KCNJ6: variants seen among roughly 807,000 people sequenced by gnomAD.
The protein encoded by KCNJ6 is potassium inwardly rectifying channel subfamily J member 6, also known as G protein-activated inward rectifier potassium channel 2.
A neutral mutation model predicts 34.2 loss-of-function variants in KCNJ6; 9 were observed. The observed-to-expected ratio is 0.26, with a 90% CI of 0.16 to 0.46. The LOEUF is 0.46. Ranked by LOEUF, KCNJ6 falls within the 20% of genes least tolerant of loss-of-function variation. KCNJ6 has a pLI of 1.00. For missense variants in KCNJ6, 236 were observed against 531.3 expected, an observed-to-expected ratio of 0.44 and a Z score of 5.46; for synonymous variants, 196 against 207.1, an observed-to-expected ratio of 0.95 and a Z score of 0.46.
At chr21:37,738,894 T>C (rs950251944) in intron 2 of KCNJ6, among the ~76,000 whole-genome samples, 1 of 152,242 alleles carries the variant, frequency 6.6e-6, no homozygotes, top group Non-Finnish European at 1.5e-5. Context: ...ACATCCTCTT[T>C]AATCTGCAAA....
intron 2 of KCNJ6, among the ~76,000 whole-genome samples, chr21:37,743,233 T>C (rs2054949888): frequency 6.6e-6 from 1 of 152,184 alleles, no homozygotes; most frequent in South Asian, 2.1e-4. Flanking sequence ...TGATGGTACC[T>C]GAGACATAGT....
chr21:37,696,910 C>CG (rs1241002141), intron 3 of KCNJ6, among the ~76,000 whole-genome samples: 3 of 152,130 alleles, frequency 2.0e-5, no homozygotes, highest in Admixed American at 2.0e-4. Flanking sequence ...GCCCCTAGCT[C>CG]CTGAGGTAGC....
At chr21:37,685,744 T>C (rs991424763) in intron 3 of KCNJ6, among the ~76,000 whole-genome samples, 3 of 145,148 alleles carry the variant, frequency 2.1e-5, no homozygotes, top group Admixed American at 1.4e-4. Context: ...ACTGCACTGT[T>C]ATTTGTAACA....
At chr21:37,692,602 G>GA (rs1186782542) in intron 3 of KCNJ6, among the ~76,000 whole-genome samples, 1 of 152,168 alleles carries the variant, frequency 6.6e-6, no homozygotes, top group African/African-American at 2.4e-5. Context: ...CTTCTGCCAG[G>GA]ATGTTGGGGC....
At chr21:37,739,107 AT>A (rs2054927024) in intron 2 of KCNJ6, among the ~76,000 whole-genome samples, 1 of 152,180 alleles carries the variant, frequency 6.6e-6, no homozygotes, top group Non-Finnish European at 1.5e-5. Flanking sequence ...CACACAGGGG[AT>A]TTTTGAAGAG....
At chr21:37,748,800 G>C (rs1258887491) in intron 2 of KCNJ6, among the ~76,000 whole-genome samples, 1 of 152,128 alleles carries the variant, frequency 6.6e-6, no homozygotes, top group Non-Finnish European at 1.5e-5. Context: ...AGTGGGGTCT[G>C]AGTTGCCCTA....
intron 1 of KCNJ6, among the ~76,000 whole-genome samples, chr21:37,905,931 T>C (rs1372893996): frequency 6.6e-6 from 1 of 152,244 alleles, no homozygotes; most frequent in Non-Finnish European, 1.5e-5. Context: ...GTAAATGTTA[T>C]ATAGTTATAA....
At chr21:37,802,702 G>A (rs543258985) in intron 2 of KCNJ6, among the ~76,000 whole-genome samples, 6 of 152,146 alleles carry the variant, frequency 3.9e-5, no homozygotes, top group Non-Finnish European at 8.8e-5. Context: ...TGTTGCTGCT[G>A]TAACAAATTG....
intron 1 of KCNJ6, among the ~76,000 whole-genome samples, chr21:37,848,336 T>G (rs558575336): frequency 6.6e-6 from 1 of 152,354 alleles, no homozygotes; most frequent in East Asian, 1.9e-4. Context: ...TTTTCACCAC[T>G]GATATACTCA....
intron 3 of KCNJ6, among the ~76,000 whole-genome samples, chr21:37,637,959 A>C (rs1018919247): frequency 1.1e-4 from 16 of 152,204 alleles, no homozygotes; most frequent in African/African-American, 3.9e-4. Context: ...ACTGTAAGGA[A>C]ATACATTTCT....
chr21:37,655,532 G>T (rs1225035621), intron 3 of KCNJ6, among the ~76,000 whole-genome samples: 6 of 152,210 alleles, frequency 3.9e-5, no homozygotes, highest in Non-Finnish European at 8.8e-5. Flanking sequence ...ACTTGTGTGT[G>T]TGTGTATGTA....
chr21:37,714,092 G>A lies in KCNJ6; in HGVS notation c.946+119C>T, dbSNP rs534677663. The A allele has an allele frequency of 2.7e-6, 2 of 744,548 alleles. No individual in the cohort carries two copies. The highest frequency in any genetic ancestry group is 1.7e-5 in the African/African-American group (1 of 57,226). 46.1% of individuals were successfully genotyped at this position (744,548 alleles called of 1,614,324 possible). ...AGGCATACTATGTCATGAAGCAAGG[G>A]GATGTTGTCAATATTGAGTGAGGTT... On this transcript the variant is annotated intron_variant, in intron 3 of 3. Transcript: ENST00000609713. This position sits in a 1 kb window ranked among gnomAD's most constrained non-coding sequence, Gnocchi z 5.9.
chr21:37,727,190 C>T (rs1476907977), intron 2 of KCNJ6, among the ~76,000 whole-genome samples: 3 of 152,166 alleles, frequency 2.0e-5, no homozygotes, highest in East Asian at 3.9e-4. Context: ...GCTGACACCT[C>T]GACTTTGGAC....
intron 2 of KCNJ6, among the ~76,000 whole-genome samples, chr21:37,758,415 T>C (rs536089990): frequency 2.2e-4 from 33 of 152,308 alleles, no homozygotes; most frequent in Non-Finnish European, 3.4e-4. Flanking sequence ...GATGGGAGTA[T>C]CCACAGTGGT....
chr21:37,651,830 G>A (rs925432945), intron 3 of KCNJ6, among the ~76,000 whole-genome samples: 2 of 152,208 alleles, frequency 1.3e-5, no homozygotes, highest in Non-Finnish European at 2.9e-5. Flanking sequence ...GAACTTTAGG[G>A]ACAAGTCTAA....
At chr21:37,815,926 C>T (rs1038705618) in intron 2 of KCNJ6, among the ~76,000 whole-genome samples, 3 of 152,172 alleles carry the variant, frequency 2.0e-5, no homozygotes, top group Non-Finnish European at 4.4e-5. Context: ...CTGCAACAAG[C>T]GCTAAGAGTG....
intron 3 of KCNJ6, among the ~76,000 whole-genome samples, chr21:37,632,004 C>T (rs2054335853): frequency 6.6e-6 from 1 of 152,090 alleles, no homozygotes; most frequent in Admixed American, 6.5e-5. Flanking sequence ...CTAAGAGTGG[C>T]CCCGATTGTG....
chr21:37,852,018 A>C (rs2055540278), intron 1 of KCNJ6, among the ~76,000 whole-genome samples: 1 of 152,164 alleles, frequency 6.6e-6, no homozygotes, highest in African/African-American at 2.4e-5. Context: ...CCAAAGACCT[A>C]GGAGAGAGGT....
At chr21:37,779,816 A>G (rs1435292951) in intron 2 of KCNJ6, among the ~76,000 whole-genome samples, 1 of 152,240 alleles carries the variant, frequency 6.6e-6, no homozygotes, top group African/African-American at 2.4e-5. Context: ...GTGAGGTTGT[A>G]TGTACTGAAA....
Sources: allele counts gnomAD v4.1 joint callset (sites outside exome capture counted in the v4.1 genomes callset), GRCh38; gene constraint gnomAD v4.1.1; non-coding constraint Gnocchi (gnomAD v3.1); transcripts MANE v1.5; gene names NCBI Gene and HGNC (gene_info 2026-07-23, HGNC 2026-07-21).